IL20RA: variants seen among roughly 807,000 people sequenced by gnomAD.
The protein encoded by IL20RA is interleukin 20 receptor subunit alpha.
A neutral mutation model predicts 36.5 loss-of-function variants in IL20RA; 29 were observed. The ratio of observed to expected loss-of-function variants is 0.79; its 90% confidence interval spans 0.59 to 1.08. The LOEUF (loss-of-function observed/expected upper bound fraction) is 1.08, where lower values mean the gene tolerates loss of function less well. IL20RA is among the 50% of genes least tolerant of loss of function. The probability of loss-of-function intolerance (pLI) is 0.00; values close to 1 mark genes in which losing one functional copy is unlikely to be tolerated. For synonymous variants in IL20RA, 279 were observed against 267.1 expected, an observed-to-expected ratio of 1.04 and a Z score of -0.43; for missense variants, 652 against 668.4, an observed-to-expected ratio of 0.98 and a Z score of 0.27.
intron 6 of IL20RA, among the ~76,000 whole-genome samples, 195 bp from the exon 7 acceptor site, chr6:137,002,550 T>C (rs988008657): frequency 6.6e-6 from 1 of 152,050 alleles, no homozygotes; most frequent in Non-Finnish European, 1.5e-5. Context: ...ACACAAAAGA[T>C]AGTTGGAAGC....
intron 1 of IL20RA, among the ~76,000 whole-genome samples, chr6:137,034,118 T>A (rs1045292984): frequency 6.6e-6 from 1 of 152,200 alleles, no homozygotes; most frequent in Non-Finnish European, 1.5e-5. Context: ...AGTGGCTTGT[T>A]GAGGCTGCCG....
intron 1 of IL20RA, among the ~76,000 whole-genome samples, chr6:137,031,071 G>T (rs1167412211): frequency 6.6e-6 from 1 of 152,070 alleles, no homozygotes; most frequent in African/African-American, 2.4e-5. Flanking sequence ...ATGAATAACT[G>T]CCATTATTAT....
chr6:137,023,308 G>C (rs1775973248), intron 1 of IL20RA, among the ~76,000 whole-genome samples: 1 of 151,918 alleles, frequency 6.6e-6, no homozygotes, highest in Non-Finnish European at 1.5e-5. Context: ...AGTGTCTTTG[G>C]AACTGTCAAA....
At chr6:137,031,388 G>A (rs892872124) in intron 1 of IL20RA, among the ~76,000 whole-genome samples, 12 of 152,158 alleles carry the variant, frequency 7.9e-5, no homozygotes, top group Non-Finnish European at 1.5e-4. Context: ...ATAATGTCAC[G>A]TGCTGCAAAA....
rs1384057584 is a variant in IL20RA at position 137,002,358 on chromosome 6, A to G, written c.865-3T>C. The G allele has an allele frequency of 1.9e-6, 3 of 1,560,096 alleles. No homozygotes were observed. The highest frequency in any genetic ancestry group is 1.4e-5 in the African/African-American group (1 of 73,052). On this transcript the variant is annotated splice_region_variant and splice_polypyrimidine_tract_variant and intron_variant, in intron 6 of 6. Coordinates refer to ENST00000316649, the MANE Select transcript of IL20RA (RefSeq NM_014432.4). Reference sequence around the variant, plus strand: ...AATTCATTTCCATAAATCAAAATCTATAAAGAGAAAAGAGAATGATTTTCA... The same window carrying G: ...AATTCATTTCCATAAATCAAAATCTGTAAAGAGAAAAGAGAATGATTTTCA...
At chr6:137,023,591 T>C (rs1317637109) in intron 1 of IL20RA, among the ~76,000 whole-genome samples, 1 of 152,208 alleles carries the variant, frequency 6.6e-6, no homozygotes, top group East Asian at 1.9e-4. Context: ...AGCTCCATTG[T>C]GCACCAAGAT....
At chr6:137,033,283 C>T (rs566801435) in intron 1 of IL20RA, among the ~76,000 whole-genome samples, 1 of 152,330 alleles carries the variant, frequency 6.6e-6, no homozygotes, top group African/African-American at 2.4e-5. Context: ...GTCCCATCCT[C>T]TTCTTACAAG....
chr6:137,016,999 C>T lies in IL20RA; in HGVS notation c.193G>A (p.Val65Ile), dbSNP rs1775715035. The T allele has an allele frequency of 2.5e-6, 4 of 1,613,698 alleles. No individual in the cohort carries two copies. Among genetic ancestry groups the T allele is most frequent in the Non-Finnish European group, 3.4e-6 (4 of 1,179,644 alleles). Residue 65 changes from valine (V) to isoleucine (I), a missense_variant, in exon 2 of 7, where the codon GTT becomes ATT. Transcript: ENST00000316649. ...TACTGCACAGTGTAAGTAACTTTAA[C>T]TCCTTGAAGACCCTCTGGTGGAGTC... ...QWTPPEGLQG[V>I]KVTYTVQYFI...
chr6:137,007,645 A>C (rs1775325466), intron 5 of IL20RA, among the ~76,000 whole-genome samples: 1 of 152,204 alleles, frequency 6.6e-6, no homozygotes, highest in South Asian at 2.1e-4. Context: ...TCACAACTCT[A>C]TGTCTTCTCA....
chr6:137,035,093 T>C lies in IL20RA; in HGVS notation c.88+9548A>G, dbSNP rs113994277. 4.1e-3 allele frequency among the ~76,000 whole-genome samples: 625 copies of C among 152,316 alleles called. 8 individuals are homozygous for C. The highest frequency in any genetic ancestry group is 0.011 in the African/African-American group (459 of 41,580). ...CTTTTTATGGCTGCATAGTACTCCA[T>C]GGTGTATATTACCACATTTTTAAAA... On this transcript the variant is annotated intron_variant, in intron 1 of 6. Coordinates refer to ENST00000316649, the MANE Select transcript of IL20RA (RefSeq NM_014432.4).
intron 5 of IL20RA, 122 bp downstream of exon 5, chr6:137,008,477 G>A (rs1775349713): frequency 9.8e-7 from 1 of 1,015,234 alleles, no homozygotes; most frequent in Non-Finnish European, 1.4e-6. Context: ...AGTTGTTTCT[G>A]CCTTTGCCTC....
At chr6:137,009,755 G>A (rs1775415496) in intron 3 of IL20RA, among the ~76,000 whole-genome samples, 1 of 151,944 alleles carries the variant, frequency 6.6e-6, no homozygotes, top group African/African-American at 2.4e-5. Flanking sequence ...ACAGGTGCCT[G>A]CCAACACACC....
chr6:137,017,116 C>T lies in IL20RA; in HGVS notation c.89-13G>A. On this transcript the variant is annotated splice_polypyrimidine_tract_variant and intron_variant, in intron 1 of 6. Coordinates refer to ENST00000316649, the MANE Select transcript of IL20RA (RefSeq NM_014432.4). The stretch of plus-strand genomic sequence containing the variant: ...GAGACACAGGGAACTGAAAAAGGAG[C>T]AGAAAGGAATTGAGGTCTTAGTAGC... 1 of 1,611,214 alleles carries T rather than the reference C, an allele frequency of 6.2e-7. No homozygotes were observed. The highest frequency in any genetic ancestry group is 8.5e-7 in the Non-Finnish European group (1 of 1,178,608).
chr6:137,009,070 G>C (rs992739339), intron 4 of IL20RA: 11 of 579,752 alleles, frequency 1.9e-5, no homozygotes, highest in Admixed American at 1.5e-4. Context: ...CTTCATCAAA[G>C]TGAAGTGTAC....
chr6:137,021,371 A>T (rs565383123), intron 1 of IL20RA, among the ~76,000 whole-genome samples: 2 of 152,184 alleles, frequency 1.3e-5, no homozygotes, highest in Non-Finnish European at 2.9e-5. Context: ...GTATGATTAA[A>T]AATAATGTTG....
At chr6:137,003,868 C>T (rs367816502) in intron 6 of IL20RA, among the ~76,000 whole-genome samples, 27 of 152,096 alleles carry the variant, frequency 1.8e-4, no homozygotes, top group Non-Finnish European at 3.5e-4. Context: ...GCCTGCACTA[C>T]GGATCCTAAC....
intron 2 of IL20RA, among the ~76,000 whole-genome samples, chr6:137,011,930 C>T (rs771955): frequency 0.86 from 130,378 of 152,164 alleles, 59,364 homozygotes; most frequent in East Asian, 1. Flanking sequence ...GGAAAATACA[C>T]GAGGCTGGAG....
At chr6:137,006,722 CTTTCT>C (rs965847866) in intron 5 of IL20RA, among the ~76,000 whole-genome samples, 11 of 144,020 alleles carry the variant, frequency 7.6e-5, no homozygotes, top group Non-Finnish European at 1.5e-4. Flanking sequence ...GTTAATTTTT[CTTTCT>C]TTTTTTTTTT....
chr6:137,009,316 C>T lies in IL20RA; in HGVS notation c.579+1G>A. ...TATGCCCCATTCCATTTCAGGCTTA[C>T]CGTTCTGTTTGATTTAGTATTCAAC... On this transcript the variant is annotated splice_donor_variant, in intron 4 of 6. Coordinates refer to ENST00000316649, the MANE Select transcript of IL20RA (RefSeq NM_014432.4). LOFTEE classifies it high-confidence loss of function. 6.2e-7 allele frequency: 1 copy of T among 1,611,720 alleles called. No individual in the cohort carries two copies. Among genetic ancestry groups the T allele is most frequent in the Non-Finnish European group, 8.5e-7 (1 of 1,177,854 alleles).
Sources: gnomAD v4.1 joint callset for allele counts (sites outside exome capture counted in the v4.1 genomes callset) on GRCh38, gnomAD v4.1.1 for gene constraint, MANE v1.5 for transcripts, NCBI Gene and HGNC (gene_info 2026-07-23, HGNC 2026-07-21) for gene names.